Variants in CRYBG1 observed in about 807,000 individuals in gnomAD.
CRYBG1 encodes the protein crystallin beta-gamma domain containing 1.
In CRYBG1, 139 loss-of-function variants were observed where a neutral mutation model predicts 189.2. The ratio of observed to expected loss-of-function variants is 0.73; its 90% CI spans 0.64 to 0.85. The LOEUF is 0.85. Among genes scored for constraint, CRYBG1 ranks in the 40% least tolerant of loss-of-function variants. The pLI, the probability that CRYBG1 is intolerant of heterozygous loss-of-function variation, is 0.00. For missense variants in CRYBG1, 2,611 were observed against 2,675.8 expected, an observed-to-expected ratio of 0.98 and a Z score of 0.53; for synonymous variants, 1,023 against 1,017.1, an observed-to-expected ratio of 1.01 and a Z score of -0.11.
In CRYBG1 at chr6:106,361,082, G is replaced by A; in HGVS notation, c.173+1G>A. On this transcript the variant is annotated splice_donor_variant, in intron 1 of 21. Transcript: ENST00000633556. LOFTEE classifies it high-confidence loss of function. ...TCCCGGCGCCTGCCGGAGAGGCCAG[G>A]TGAGCTCCTCGCCCGAGCCCTCCAG... 1 of 1,534,688 alleles carries A rather than the reference G, an allele frequency of 6.5e-7. No homozygotes were observed. Among genetic ancestry groups the A allele is most frequent in the Non-Finnish European group, 8.7e-7 (1 of 1,146,428 alleles).
In CRYBG1 at chr6:106,570,945, G is replaced by T. The variant is rs2114610835; in HGVS notation, c.*2379G>T. 1 of 152,238 alleles carries T rather than the reference G, an allele frequency of 6.6e-6. No homozygotes were observed. Among genetic ancestry groups the T allele is most frequent in the East Asian group, 1.9e-4 (1 of 5,172 alleles). 9.4% of individuals were successfully genotyped at this position (152,238 alleles called of 1,614,324 possible). A position where few individuals can be genotyped will look rare whatever the true frequency, so the allele number is the denominator to read the frequency against. Reference sequence around the variant, plus strand: ...TGCAATACTGAGGATGAGTATATTAGGAAGTAAAAACACTTACCGTAAATG... The same window carrying T: ...TGCAATACTGAGGATGAGTATATTATGAAGTAAAAACACTTACCGTAAATG... On this transcript the variant is annotated 3_prime_UTR_variant, in exon 22 of 22. Transcript: ENST00000633556.
intron 2 of CRYBG1, among the ~76,000 whole-genome samples, chr6:106,476,739 C>G (rs943638029): frequency 1.3e-5 from 2 of 152,174 alleles, no homozygotes; most frequent in Non-Finnish European, 2.9e-5. Context: ...TTTTTAGGAA[C>G]TGCCCATGAG....
At chr6:106,400,275 C>A (rs1334666868) in intron 1 of CRYBG1, among the ~76,000 whole-genome samples, 1 of 152,118 alleles carries the variant, frequency 6.6e-6, no homozygotes, top group Non-Finnish European at 1.5e-5. Context: ...CCACCATGCC[C>A]CACCCAGATC....
At chr6:106,565,327 A>AC (rs1774850626) in intron 21 of CRYBG1, among the ~76,000 whole-genome samples, 1 of 151,926 alleles carries the variant, frequency 6.6e-6, no homozygotes, top group East Asian at 1.9e-4. Context: ...TCTCAAAAAA[A>AC]AAAAAGTTGT....
intron 2 of CRYBG1, among the ~76,000 whole-genome samples, chr6:106,476,815 T>C (rs1370521515): frequency 6.6e-6 from 1 of 152,196 alleles, no homozygotes; most frequent in Non-Finnish European, 1.5e-5. Flanking sequence ...TAAGAAAGAC[T>C]ATGGCAAATT....
intron 2 of CRYBG1, among the ~76,000 whole-genome samples, chr6:106,453,053 T>G (rs1771815565): frequency 6.6e-6 from 1 of 152,248 alleles, no homozygotes; most frequent in Non-Finnish European, 1.5e-5. Context: ...TAGCATGAGA[T>G]AGAAAGAGTT....
chr6:106,387,478 C>T (rs987896396), intron 1 of CRYBG1, among the ~76,000 whole-genome samples: 1 of 152,186 alleles, frequency 6.6e-6, no homozygotes, highest in Admixed American at 6.5e-5. Context: ...GGCACCATTG[C>T]TCCTCCCTCC....
intron 1 of CRYBG1, among the ~76,000 whole-genome samples, chr6:106,380,511 C>T (rs1227647814): frequency 6.6e-6 from 1 of 152,062 alleles, no homozygotes; most frequent in Non-Finnish European, 1.5e-5. Context: ...GTGATGTTAC[C>T]CGTTTCTGTG....
chr6:106,361,659 G>A (rs902813650), intron 1 of CRYBG1, among the ~76,000 whole-genome samples: 10 of 152,150 alleles, frequency 6.6e-5, no homozygotes, highest in African/African-American at 2.4e-4. Flanking sequence ...GAGCTAGAGA[G>A]CACCTAGTTA....
At chr6:106,388,894 C>A (rs1446001160) in intron 1 of CRYBG1, among the ~76,000 whole-genome samples, 1 of 152,148 alleles carries the variant, frequency 6.6e-6, no homozygotes, top group Non-Finnish European at 1.5e-5. Flanking sequence ...CTTTAAAAGA[C>A]AAACAGAATT....
At chr6:106,461,163 A>G (rs995815103) in intron 2 of CRYBG1, among the ~76,000 whole-genome samples, 2 of 152,218 alleles carry the variant, frequency 1.3e-5, no homozygotes, top group African/African-American at 4.8e-5. Flanking sequence ...TTAAAGCATC[A>G]GGAACTGAAA....
At chr6:106,403,032 G>C (rs957657740) in intron 1 of CRYBG1, among the ~76,000 whole-genome samples, 19 of 152,194 alleles carry the variant, frequency 1.2e-4, no homozygotes, top group African/African-American at 4.6e-4. Flanking sequence ...GATGTTTGTT[G>C]AGGAGGAATT....
intron 2 of CRYBG1, among the ~76,000 whole-genome samples, chr6:106,459,897 T>G (rs2114450647): frequency 6.6e-6 from 1 of 152,354 alleles, no homozygotes; most frequent in South Asian, 2.1e-4. Context: ...TAAATAAGTC[T>G]GTTTTCCCAC....
In CRYBG1 at chr6:106,512,308, T is replaced by C. The variant is rs1157851638; in HGVS notation, c.1191T>C (p.Thr397=). ...GAQVDEPVVI[T]PRAEDCGDWD... ...AAGTGGACGAGCCGGTCGTGATTAC[T>C]CCCAGAGCGGAAGATTGCGGTGACT... is the stretch of plus-strand genomic sequence containing the variant. The change falls in exon 3 of 22, where the codon ACT becomes ACC. Residue 397 remains threonine, a synonymous_variant. Transcript: ENST00000633556. The C allele has an allele frequency of 6.3e-7, 1 of 1,599,426 alleles. No individual in the cohort carries two copies. Among genetic ancestry groups the C allele is most frequent in the Non-Finnish European group, 8.5e-7 (1 of 1,174,818 alleles).
In CRYBG1 at chr6:106,446,735, G is replaced by C. The variant is rs79865323; in HGVS notation, c.174-4959G>C. 8.8e-3 allele frequency among the ~76,000 whole-genome samples: 1,336 copies of C among 152,304 alleles called. 25 individuals are homozygous for C. Among genetic ancestry groups the C allele is most frequent in the African/African-American group, 0.031 (1,295 of 41,552 alleles). ...GAGGCCCTAGCACTGTCAATCTTGA[G>C]AAAGTAAGAGATTCTCTTTTCTTTT... is the stretch of plus-strand genomic sequence containing the variant. On this transcript the variant is annotated intron_variant, in intron 1 of 21. Coordinates refer to ENST00000633556, the MANE Select transcript of CRYBG1 (RefSeq NM_001371242.2).
chr6:106,558,478 C>T lies in CRYBG1; in HGVS notation c.5716-8C>T, dbSNP rs1420315561. The T allele has an allele frequency of 1.3e-6, 2 of 1,571,548 alleles. No individual in the cohort carries two copies. Among genetic ancestry groups the T allele is most frequent in the Admixed American group, 1.8e-5 (1 of 54,866 alleles). On this transcript the variant is annotated splice_polypyrimidine_tract_variant and splice_region_variant and intron_variant, in intron 17 of 21. Transcript: ENST00000633556. ...GAATAACAGAACATTGTTTTTGTTCCTCAACAGGAATTTTCTGAACCAACA... is the reference window on the plus strand; with the variant it reads ...GAATAACAGAACATTGTTTTTGTTCTTCAACAGGAATTTTCTGAACCAACA...
rs950611347 is a variant in CRYBG1 at position 106,520,266 on chromosome 6, G to C, written c.3058G>C (p.Glu1020Gln). ...CAATGAACACTCTCATTGCACAGCA[G>C]AGCTCGCGGCAAAATCTGGCCCACA... is the stretch of plus-strand genomic sequence containing the variant. ...LGNEHSHCTAELAAKSGPQVI... is the reference protein window; with the variant it reads ...LGNEHSHCTAQLAAKSGPQVI... The change falls in exon 4 of 22, where the codon GAG becomes CAG. Residue 1020 changes from glutamate (E) to glutamine (Q), a missense_variant. Glu to Gln is a conservative substitution (Grantham distance 29). This residue lies in a region of CRYBG1 where 1,622 missense variants were observed against 1,735.0 expected (regional missense o/e 0.93). Transcript: ENST00000633556. The C allele has an allele frequency of 1.9e-6, 3 of 1,614,184 alleles. No homozygotes were observed. The highest frequency in any genetic ancestry group is 1.7e-6 in the Non-Finnish European group (2 of 1,180,040).
At chr6:106,454,437 G>A (rs900220260) in intron 2 of CRYBG1, among the ~76,000 whole-genome samples, 2 of 152,086 alleles carry the variant, frequency 1.3e-5, no homozygotes, top group African/African-American at 4.8e-5. Flanking sequence ...TTAGATTCTG[G>A]GTAGTTTATA....
At chr6:106,517,108 C>A (rs1035632811) in intron 3 of CRYBG1, among the ~76,000 whole-genome samples, 7 of 146,886 alleles carry the variant, frequency 4.8e-5, no homozygotes, top group African/African-American at 1.8e-4. Flanking sequence ...CTTCTGGACT[C>A]AAGTGATCTC....
Sources: allele counts gnomAD v4.1 joint callset (sites outside exome capture counted in the v4.1 genomes callset), GRCh38; gene constraint gnomAD v4.1.1; regional missense constraint gnomAD v4.1.1; transcripts MANE v1.5; gene names NCBI Gene and HGNC (gene_info 2026-07-23, HGNC 2026-07-21).